The following CDK15 variants were observed in gnomAD, a reference collection of about 807,000 sequenced individuals.
CDK15 encodes cyclin-dependent kinase 15.
CDK15 carries 62 observed loss-of-function variants against 60.3 expected under a neutral mutation model. That is an observed-to-expected ratio of 1.03 (90% CI 0.84 to 1.27). The LOEUF (loss-of-function observed/expected upper bound fraction) is 1.27. Ranked by LOEUF, CDK15 falls within the 50% of genes most tolerant of loss-of-function variation. The pLI is 0.00. For missense variants in CDK15, 541 were observed against 527.8 expected, an observed-to-expected ratio of 1.03 and a Z score of -0.25; for synonymous variants, 194 against 195.7, an observed-to-expected ratio of 0.99 and a Z score of 0.07.
At chr2:201,889,088 C>T (rs1045173185) in intron 12 of CDK15, 1 of 985,254 alleles carries the variant, frequency 1.0e-6, no homozygotes, top group African/African-American at 1.7e-5. Flanking sequence ...CCCCAGATTA[C>T]CCACAGCATT....
At chr2:201,859,369 A>G (rs968985310) in intron 10 of CDK15, among the ~76,000 whole-genome samples, 3 of 152,204 alleles carry the variant, frequency 2.0e-5, no homozygotes, top group Non-Finnish European at 4.4e-5. Context: ...AAGTTCCTTT[A>G]GCCTTCTTAG....
intron 9 of CDK15, among the ~76,000 whole-genome samples, chr2:201,850,470 G>T (rs1697859495): frequency 6.6e-6 from 1 of 152,048 alleles, no homozygotes; most frequent in African/African-American, 2.4e-5. Context: ...GCTGGAAAGA[G>T]AAAAAATAAT....
rs535098305 is a variant in CDK15 at position 201,858,815 on chromosome 2, A to AG, written c.1009+3879dup. On this transcript the variant is annotated intron_variant, in intron 10 of 13. Coordinates refer to ENST00000652192, the MANE Select transcript of CDK15 (RefSeq NM_001366386.2). ...CTTGAAAAAAGAGGGAGGAGAAAAA[A>AG]GTGTTTTGAGTAAGAGGTTTACAGG... 5.5e-4 allele frequency among the ~76,000 whole-genome samples: 83 copies of AG among 152,272 alleles called. 1 individual carries two copies. Among genetic ancestry groups the AG allele is most frequent in the African/African-American group, 1.9e-3 (80 of 41,560 alleles).
chr2:201,811,681 T>C (rs1440600007), intron 3 of CDK15, among the ~76,000 whole-genome samples: 1 of 152,164 alleles, frequency 6.6e-6, no homozygotes, highest in Non-Finnish European at 1.5e-5. Context: ...AGAATAATGG[T>C]GTGGCCTGGG....
At chr2:201,873,213 G>T (rs1698926358) in intron 11 of CDK15, among the ~76,000 whole-genome samples, 2 of 152,142 alleles carry the variant, frequency 1.3e-5, no homozygotes, top group South Asian at 2.1e-4. Flanking sequence ...AGGGTACAAA[G>T]AGTAAAATAG....
At chr2:201,854,650 G>A in intron 9 of CDK15, 1 of 525,710 alleles carries the variant, frequency 1.9e-6, no homozygotes, top group Non-Finnish European at 3.4e-6. Context: ...CAGTAAGAAT[G>A]CAGGCCCCGG....
intron 11 of CDK15, among the ~76,000 whole-genome samples, chr2:201,872,827 C>CT (rs1249106532): frequency 6.6e-6 from 1 of 152,188 alleles, no homozygotes; most frequent in African/African-American, 2.4e-5. Context: ...GAATAGTTAG[C>CT]TAACTAAGCT....
At chr2:201,863,051 T>C (rs1191230546) in intron 10 of CDK15, among the ~76,000 whole-genome samples, 5 of 152,206 alleles carry the variant, frequency 3.3e-5, no homozygotes, top group South Asian at 2.1e-4. Context: ...TGAACCTCGA[T>C]TGGGCTCATT....
At chr2:201,822,559 T>A (rs1354979072) in intron 4 of CDK15, among the ~76,000 whole-genome samples, 3 of 152,238 alleles carry the variant, frequency 2.0e-5, no homozygotes, top group Non-Finnish European at 4.4e-5. Context: ...ATTGATTAGG[T>A]AAATGGAAAC....
intron 8 of CDK15, among the ~76,000 whole-genome samples, chr2:201,837,486 GGAAGGAAGGAAGGAAGGAAGGAAGGAAA>G (rs1166467303): frequency 6.9e-6 from 1 of 144,886 alleles, no homozygotes; most frequent in African/African-American, 2.6e-5. Flanking sequence ...AAGGAAGGAA[GGAAGGAAGGAAGGAAGGAAGGAAGGAAA>G]GAAGGAAAGA....
chr2:201,820,053 T>C (rs1202157604), intron 4 of CDK15, among the ~76,000 whole-genome samples: 2 of 152,142 alleles, frequency 1.3e-5, no homozygotes, highest in Admixed American at 6.5e-5. Flanking sequence ...AAAAGAAGCA[T>C]CTGGAGTTTT....
intron 10 of CDK15, chr2:201,861,580 TAGATGA>T (rs1698400259): frequency 2.3e-6 from 2 of 869,098 alleles, no homozygotes; most frequent in African/African-American, 3.7e-5. Flanking sequence ...TTTTTTTTTT[TAGATGA>T]AGTCTCACTT....
chr2:201,861,620 G>C (rs1698402421), intron 10 of CDK15: 1 of 783,418 alleles, frequency 1.3e-6, no homozygotes, highest in African/African-American at 2.0e-5. Flanking sequence ...GAGTGCAGTG[G>C]CATGATCTCG....
intron 8 of CDK15, among the ~76,000 whole-genome samples, chr2:201,846,128 A>G (rs1033991928): frequency 3.3e-5 from 5 of 152,120 alleles, no homozygotes; most frequent in African/African-American, 1.2e-4. Flanking sequence ...TAACAATATA[A>G]GTCAGCCAGG....
intron 6 of CDK15, among the ~76,000 whole-genome samples, chr2:201,828,085 G>A (rs1185608917): frequency 6.6e-6 from 1 of 152,216 alleles, no homozygotes; most frequent in African/African-American, 2.4e-5. Context: ...TTTTGTGTTT[G>A]ACTGACGAGG....
At chr2:201,810,248 G>T (rs1255584296) in intron 3 of CDK15, among the ~76,000 whole-genome samples, 1 of 151,910 alleles carries the variant, frequency 6.6e-6, no homozygotes, top group East Asian at 1.9e-4. Context: ...CAATAAAAAG[G>T]TGGGCAAATC....
At chr2:201,814,418 G>A (rs1008522873) in intron 4 of CDK15, among the ~76,000 whole-genome samples, 1 of 152,192 alleles carries the variant, frequency 6.6e-6, no homozygotes, top group Admixed American at 6.5e-5. Flanking sequence ...ATTGGAGGTT[G>A]TTAGGAATCC....
chr2:201,821,995 T>C (rs1696245696), intron 4 of CDK15, among the ~76,000 whole-genome samples: 4 of 152,186 alleles, frequency 2.6e-5, no homozygotes, highest in African/African-American at 9.7e-5. Flanking sequence ...GGTCTCTTTA[T>C]TGTACCTTTT....
At chr2:201,824,136 C>G (rs1696357965) in intron 6 of CDK15, among the ~76,000 whole-genome samples, 1 of 152,074 alleles carries the variant, frequency 6.6e-6, no homozygotes, top group East Asian at 1.9e-4. Context: ...ACTAGCAGAT[C>G]CTATTATATA....
Sources: allele counts gnomAD v4.1 joint callset (sites outside exome capture counted in the v4.1 genomes callset), GRCh38; gene constraint gnomAD v4.1.1; transcripts MANE v1.5; gene names NCBI Gene and HGNC (gene_info 2026-07-23, HGNC 2026-07-21).